IGSF11: variants seen among roughly 807,000 people sequenced by gnomAD.
The protein encoded by IGSF11 is immunoglobulin superfamily member 11.
IGSF11 carries 22 observed loss-of-function variants against 41.0 expected under a neutral mutation model. The observed-to-expected ratio is 0.54, with a 90% CI of 0.38 to 0.77. IGSF11 has a LOEUF of 0.77. IGSF11 is among the 30% of genes least tolerant of loss of function. The pLI is 0.00. For missense variants in IGSF11, 444 were observed against 530.8 expected, an observed-to-expected ratio of 0.84 and a Z score of 1.61; for synonymous variants, 219 against 201.3, an observed-to-expected ratio of 1.09 and a Z score of -0.74.
chr3:118,933,428 C>T (rs1194677542), intron 1 of IGSF11, among the ~76,000 whole-genome samples: 2 of 150,042 alleles, frequency 1.3e-5, no homozygotes, highest in East Asian at 3.9e-4. Context: ...ACTGACTACA[C>T]CAAGTCCACA....
In IGSF11 at chr3:119,126,058, A is replaced by G. The variant is rs920830032; in HGVS notation, c.-14+19755T>C. Among the ~76,000 whole-genome samples, 12 of 152,194 alleles carry G rather than the reference A, an allele frequency of 7.9e-5. 1 individual carries two copies. Among genetic ancestry groups the G allele is most frequent in the African/African-American group, 2.9e-4 (12 of 41,458 alleles). ...CACCGGCTGCTGCTGCCTGCTCTCT[A>G]AGCTGTTTGAGCTCCTCGAGGGAGG... On this transcript the variant is annotated intron_variant, in intron 1 of 7. Transcript: ENST00000425327.
chr3:118,926,232 T>C lies in IGSF11; in HGVS notation c.449A>G (p.Gln150Arg). ...GCCAATATCCTGGGATCCTTGGATT[T>C]GGCAGTGTGGGGCAGAAGGGGGAAC... ...VLVPPSAPHCQIQGSQDIGSD... is the reference protein window; with the variant it reads ...VLVPPSAPHCRIQGSQDIGSD... The change falls in exon 4 of 7, where the codon CAA becomes CGA. Residue 150 changes from glutamine (Q) to arginine (R), a missense_variant. Physicochemically the swap from Gln to Arg is conservative, Grantham distance 43. Transcript: ENST00000393775. 1 of 1,606,732 alleles carries C rather than the reference T, an allele frequency of 6.2e-7. No individual in the cohort carries two copies. The highest frequency in any genetic ancestry group is 8.5e-7 in the Non-Finnish European group (1 of 1,175,112).
At chr3:119,103,152 C>G (rs2076965309) in intron 1 of IGSF11, among the ~76,000 whole-genome samples, 1 of 152,130 alleles carries the variant, frequency 6.6e-6, no homozygotes, top group Non-Finnish European at 1.5e-5. Context: ...TGTCCGCCAC[C>G]ATGACTGGCT....
chr3:119,050,894 G>C (rs1449677803), intron 1 of IGSF11, among the ~76,000 whole-genome samples: 1 of 150,648 alleles, frequency 6.6e-6, no homozygotes, highest in Non-Finnish European at 1.5e-5. Flanking sequence ...ACTATCGCAA[G>C]GACAAAAAAC....
chr3:118,903,707 C>A (rs1939214088), intron 6 of IGSF11, among the ~76,000 whole-genome samples: 1 of 152,296 alleles, frequency 6.6e-6, no homozygotes, highest in South Asian at 2.1e-4. Flanking sequence ...ATTGGGTACA[C>A]TTTACAATAT....
chr3:119,113,145 A>G (rs1425190454), intron 1 of IGSF11, among the ~76,000 whole-genome samples: 5 of 152,226 alleles, frequency 3.3e-5, no homozygotes, highest in African/African-American at 1.2e-4. Flanking sequence ...TTATAATTTG[A>G]CATGAGATTT....
intron 1 of IGSF11, among the ~76,000 whole-genome samples, chr3:118,992,339 C>T (rs979163844): frequency 2.6e-5 from 4 of 152,206 alleles, no homozygotes; most frequent in Admixed American, 1.3e-4. Context: ...TCCAACTACT[C>T]TCCCTTTGTA....
rs187184917 is a variant in IGSF11, at chr3:119,114,557, C to T, written c.-13-9352G>A. Among the ~76,000 whole-genome samples the T allele has an allele frequency of 3.3e-5, 5 of 152,198 alleles. 1 individual carries two copies. The East Asian group carries it at 9.6e-4, about 29-fold the overall frequency. ...TCTTTGCTACAGTTCCCAATAAGTT[C>T]CTCGTTTCCTTCTGAGACCACCTCA... is the stretch of plus-strand genomic sequence containing the variant. On this transcript the variant is annotated intron_variant, in intron 1 of 7. Coordinates refer to the IGSF11 transcript ENST00000425327.
chr3:118,945,513 T>C (rs554349578), intron 1 of IGSF11, among the ~76,000 whole-genome samples: 2 of 152,104 alleles, frequency 1.3e-5, no homozygotes, highest in Non-Finnish European at 2.9e-5. Context: ...AAAGAAATGT[T>C]AAAAAACAAA....
chr3:119,083,531 C>A (rs868599550), intron 1 of IGSF11, among the ~76,000 whole-genome samples: 2,381 of 59,032 alleles, frequency 0.04, 48 homozygotes, highest in African/African-American at 0.12. Context: ...CACACACACA[C>A]ACACAAACAC....
In IGSF11 at chr3:119,015,731, C is replaced by G. The variant is rs1297389214; in HGVS notation, c.52+18800G>C. 7.4e-5 allele frequency among the ~76,000 whole-genome samples: 11 copies of G among 149,622 alleles called. 1 individual carries two copies. The highest frequency in any genetic ancestry group is 6.0e-4 in the Admixed American group (9 of 15,034). On this transcript the variant is annotated intron_variant, in intron 1 of 6. Coordinates refer to ENST00000393775, the MANE Select transcript of IGSF11 (RefSeq NM_001015887.3). Reference sequence around the variant, plus strand: ...AAGCAGGCACTAGATAAATATTTACCAAATATGAATAAATGCTAAAAAAAA... The same window carrying G: ...AAGCAGGCACTAGATAAATATTTACGAAATATGAATAAATGCTAAAAAAAA...
chr3:119,096,481 G>A (rs1283763214), intron 1 of IGSF11, among the ~76,000 whole-genome samples: 1 of 151,876 alleles, frequency 6.6e-6, no homozygotes, highest in African/African-American at 2.4e-5. Flanking sequence ...GAAATGCCGA[G>A]GAATCTTCAA....
At chr3:119,019,776 T>TGGTG (rs1939111139) in intron 1 of IGSF11, among the ~76,000 whole-genome samples, 1 of 152,176 alleles carries the variant, frequency 6.6e-6, no homozygotes, top group Admixed American at 6.5e-5. Flanking sequence ...ACAGGAACAG[T>TGGTG]GGTGGGTGTG....
chr3:118,951,270 C>G (rs1282947054), intron 1 of IGSF11, among the ~76,000 whole-genome samples: 3 of 152,164 alleles, frequency 2.0e-5, no homozygotes, highest in African/African-American at 7.2e-5. Flanking sequence ...TACCTTATAT[C>G]AGGGACTGCA....
intron 1 of IGSF11, among the ~76,000 whole-genome samples, chr3:119,010,954 G>T (rs957718617): frequency 6.6e-6 from 1 of 152,138 alleles, no homozygotes; most frequent in African/African-American, 2.4e-5. Flanking sequence ...AATGAACTAA[G>T]AAGTCATTCA....
intron 4 of IGSF11, among the ~76,000 whole-genome samples, chr3:118,907,314 G>A (rs1169218934): frequency 6.6e-6 from 1 of 152,134 alleles, no homozygotes. Flanking sequence ...AATATTTATT[G>A]AGCATCTTCC....
chr3:118,959,485 T>C (rs1185196388), intron 1 of IGSF11, among the ~76,000 whole-genome samples: 5 of 152,150 alleles, frequency 3.3e-5, no homozygotes, highest in African/African-American at 1.2e-4. Context: ...TTATTCATGA[T>C]GGAATAATAG....
At chr3:119,063,886 T>C (rs1437220038) in intron 1 of IGSF11, among the ~76,000 whole-genome samples, 1 of 152,180 alleles carries the variant, frequency 6.6e-6, no homozygotes, top group Non-Finnish European at 1.5e-5. Context: ...CTCTGTAATA[T>C]GTAGTAGTGC....
At chr3:119,108,804 G>A (rs1299384607), upstream of IGSF11, among the ~76,000 whole-genome samples, 8 of 145,332 alleles carry the variant, frequency 5.5e-5, no homozygotes, top group African/African-American at 2.0e-4. Flanking sequence ...ATGAAGGGTT[G>A]TTGAATTTTG....
Sources: allele counts gnomAD v4.1 joint callset (sites outside exome capture counted in the v4.1 genomes callset), GRCh38; gene constraint gnomAD v4.1.1; transcripts MANE v1.5; gene names NCBI Gene and HGNC (gene_info 2026-07-23, HGNC 2026-07-21).